MFSD6L: variants seen among roughly 807,000 people sequenced by gnomAD.
The protein encoded by MFSD6L is major facilitator superfamily domain containing 6 like.
A neutral mutation model predicts 6.4 loss-of-function variants in MFSD6L; 9 were observed. The observed-to-expected ratio is 1.42, with a 90% CI of 0.85 to 2.47. The LOEUF (loss-of-function observed/expected upper bound fraction) is 2.47, where lower values mean the gene tolerates loss of function less well. Among genes scored for constraint, MFSD6L ranks in the 30% most tolerant of loss-of-function variants. The pLI, the probability that MFSD6L is intolerant of heterozygous loss-of-function variation, is 0.00. For synonymous variants in MFSD6L, 336 were observed against 322.4 expected, an observed-to-expected ratio of 1.04 and a Z score of -0.45; for missense variants, 747 against 730.6, an observed-to-expected ratio of 1.02 and a Z score of -0.26.
chr17:8,799,189 GGT>G lies in MFSD6L; in HGVS notation c.-71_-70del. ...TGGGCGCAGGGCGGGCGCGGCCCCA[GGT>G]ACCCGGGAGGGAGGCTTGGGGGACC... is the stretch of plus-strand genomic sequence containing the variant. On this transcript the variant is annotated 5_prime_UTR_variant, in exon 1 of 1. Coordinates refer to ENST00000329805, the MANE Select transcript of MFSD6L (RefSeq NM_152599.4). This position sits in a 1 kb window ranked among gnomAD's most constrained non-coding sequence, Gnocchi z 5.3. 7.1e-7 allele frequency: 1 copy of G among 1,409,556 alleles called. No homozygotes were observed. Among genetic ancestry groups the G allele is most frequent in the Non-Finnish European group, 9.4e-7 (1 of 1,064,542 alleles). 87.3% of individuals were successfully genotyped at this position (1,409,556 alleles called of 1,614,324 possible).
At position 8,799,033 on chromosome 17, in the gene MFSD6L, C is replaced by T. The variant is rs571657999; in HGVS notation, c.88G>A (p.Val30Met). 3.7e-6 allele frequency: 6 copies of T among 1,612,938 alleles called. No homozygotes were observed. The African/African-American group carries it at 6.7e-5, about 18-fold the overall frequency. The change falls in exon 1 of 1, where the codon GTG becomes ATG. Residue 30 changes from valine to methionine, a missense_variant. Transcript: ENST00000329805. The surrounding 1 kb of genome is among the most constrained non-coding windows in gnomAD (Gnocchi z 5.3). ...HLVCGVREAC[V>M]TPFLTLYLRQ... ...AGGTAAAGGGTCAGGAACGGGGTCA[C>T]GCAGGCTTCCCGCACCCCGCACACC...
chr17:8,797,698 C>T lies in MFSD6L; in HGVS notation c.1423G>A (p.Val475Met). The T allele has an allele frequency of 1.9e-6, 3 of 1,613,862 alleles. No individual in the cohort carries two copies. The highest frequency in any genetic ancestry group is 2.5e-6 in the Non-Finnish European group (3 of 1,180,026). The change falls in exon 1 of 1, where the codon GTG becomes ATG. Residue 475 changes from valine (V) to methionine (M), a missense_variant. By Grantham distance (21) the Val-to-Met change is conservative (BLOSUM62 1). Transcript: ENST00000329805. ...GCCAGGTCCTCTACTGAGGCCCCCACAGCCCACCACAAAGCTCTGTTGCTA... is the reference window on the plus strand; with the variant it reads ...GCCAGGTCCTCTACTGAGGCCCCCATAGCCCACCACAAAGCTCTGTTGCTA... ...AISNRALWWA[V>M]GASVEDLATP...
rs2087018748 is a variant in MFSD6L, at chr17:8,798,422, C to T, written c.699G>A (p.Trp233Ter). 6.2e-7 allele frequency: 1 copy of T among 1,608,424 alleles called. No homozygotes were observed. Among genetic ancestry groups the T allele is most frequent in the Non-Finnish European group, 8.5e-7 (1 of 1,177,134 alleles). ...ANLSGTKGKA[W>*]AFDLSLEALR... is the part of the protein sequence containing the mutation. ...ACGCCTCCAAGGACAGGTCAAAAGCCCAGGCTTTCCCCTTGGTCCCTGACA... is the reference window on the plus strand; with the variant it reads ...ACGCCTCCAAGGACAGGTCAAAAGCTCAGGCTTTCCCCTTGGTCCCTGACA... The change falls in exon 1 of 1, where the codon TGG (tryptophan) becomes TGA (stop). Residue 233 changes from tryptophan (W) to a stop codon, truncating the protein, a stop_gained. Transcript: ENST00000329805. LOFTEE classifies it low-confidence loss of function (END_TRUNC).
Position 8,798,760 on chromosome 17 carries a change from G to A in MFSD6L, c.361C>T (p.Leu121Phe), listed in dbSNP as rs151194908. The A allele has an allele frequency of 8.8e-5, 142 of 1,614,092 alleles. 1 individual carries two copies. The African/African-American group carries it at 1.2e-3, about 14-fold the overall frequency. ...GSSGLTSTDA[L>F]PGVTLPVNIT... is the part of the protein sequence containing the mutation. ...TTCACAGGTAGCGTGACCCCCGGGAGTGCGTCTGTGCTGGTCAGGCCGCTG... is the reference window on the plus strand; with the variant it reads ...TTCACAGGTAGCGTGACCCCCGGGAATGCGTCTGTGCTGGTCAGGCCGCTG... Residue 121 changes from leucine (L) to phenylalanine (F), a missense_variant, in exon 1 of 1, where the codon CTC (leucine) becomes TTC (phenylalanine). By Grantham distance (22) the Leu-to-Phe change is conservative. Coordinates refer to ENST00000329805, the MANE Select transcript of MFSD6L (RefSeq NM_152599.4).
rs762568801 is a variant in MFSD6L at position 8,799,110 on chromosome 17, T to C, written c.11A>G (p.Asn4Ser). ...CGCCCTGCTGATGTCCCACCGGGGGTTGGCACTCATGGCTGCCGGGCTCTG... is the reference window on the plus strand; with the variant it reads ...CGCCCTGCTGATGTCCCACCGGGGGCTGGCACTCATGGCTGCCGGGCTCTG... MSA[N>S]PRWDISRALG... is the part of the protein sequence containing the mutation. Residue 4 changes from asparagine (N) to serine (S), a missense_variant, in exon 1 of 1, where the codon AAC becomes AGC. Transcript: ENST00000329805. The surrounding 1 kb of genome is among the most constrained non-coding windows in gnomAD (Gnocchi z 5.3). 3.3e-5 allele frequency: 52 copies of C among 1,557,362 alleles called. No homozygotes were observed. The highest frequency in any genetic ancestry group is 4.3e-5 in the Non-Finnish European group (50 of 1,150,916).
In MFSD6L at chr17:8,797,224, G is replaced by A; in HGVS notation, c.*136C>T. On this transcript the variant is annotated 3_prime_UTR_variant, in exon 1 of 1. Coordinates refer to ENST00000329805, the MANE Select transcript of MFSD6L (RefSeq NM_152599.4). ...AATCATGCAATGAGATGATCCTGTT[G>A]GGCCTTCAGCACAGACCCATCCTCT... The A allele has an allele frequency of 1.6e-6, 1 of 617,208 alleles. No homozygotes were observed. Among genetic ancestry groups the A allele is most frequent in the Non-Finnish European group, 2.5e-6 (1 of 392,358 alleles). 38.2% of individuals were successfully genotyped at this position (617,208 alleles called of 1,614,324 possible).
Position 8,797,836 on chromosome 17 carries a change from A to G in MFSD6L, c.1285T>C (p.Ser429Pro). 6.2e-7 allele frequency: 1 copy of G among 1,613,980 alleles called. No individual in the cohort carries two copies. Among genetic ancestry groups the G allele is most frequent in the South Asian group, 1.1e-5 (1 of 91,062 alleles). ...PFKATLLRKL[S>P]RTGLVGLGLS... is the part of the protein sequence containing the mutation. Reference sequence around the variant, plus strand: ...CCCAGCCCCACCAGGCCCGTCCTGGACAGTTTCCTAAGCAATGTAGCTTTG... The same window carrying G: ...CCCAGCCCCACCAGGCCCGTCCTGGGCAGTTTCCTAAGCAATGTAGCTTTG... The change falls in exon 1 of 1, where the codon TCC (serine) becomes CCC (proline). Residue 429 changes from serine to proline, a missense_variant. Physicochemically the swap from Ser to Pro is moderately conservative, Grantham distance 74. Coordinates refer to ENST00000329805, the MANE Select transcript of MFSD6L (RefSeq NM_152599.4).
rs2087026662 is a variant in MFSD6L at position 8,799,332 on chromosome 17, C to G, written c.-212G>C. On this transcript the variant is annotated 5_prime_UTR_variant, in exon 1 of 1. Transcript: ENST00000329805. This position sits in a 1 kb window ranked among gnomAD's most constrained non-coding sequence, Gnocchi z 5.3. ...CCTGCCGTTGGACCGAAAGGGGCCC[C>G]GCCCGGAGGGAGAGGCGGGGCGGGG... 5.8e-5 allele frequency: 23 copies of G among 396,902 alleles called. No homozygotes were observed. The allele number at this position is 396,902 out of a possible 1,614,324, so 24.6% of individuals were successfully genotyped here.
Position 8,798,024 on chromosome 17 carries a change from G to C in MFSD6L, c.1097C>G (p.Pro366Arg). The C allele has an allele frequency of 6.2e-7, 1 of 1,614,016 alleles. No individual in the cohort carries two copies. ...VKALSIVGGD[P>R]HLILLASTTV... is the part of the protein sequence containing the mutation. ...GGTGGAGGCGAGGAGAATGAGGTGG[G>C]GGTCACCCCCCACAATGGACAGTGC... is the stretch of plus-strand genomic sequence containing the variant. Residue 366 changes from proline (P) to arginine (R), a missense_variant, in exon 1 of 1, where the codon CCC becomes CGC. Coordinates refer to ENST00000329805, the MANE Select transcript of MFSD6L (RefSeq NM_152599.4).
chr17:8,799,360 G>A lies in MFSD6L; in HGVS notation c.-240C>T. ...CCGGAGGGAGAGGCGGGGCGGGGGC[G>A]AAGGTGGGGGCGGGGCCAGCGCACC... On this transcript the variant is annotated 5_prime_UTR_variant, in exon 1 of 1. Transcript: ENST00000329805. The surrounding 1 kb of genome is among the most constrained non-coding windows in gnomAD (Gnocchi z 5.3). 1 of 366,004 alleles carries A rather than the reference G, an allele frequency of 2.7e-6. No individual in the cohort carries two copies. 22.7% of individuals were successfully genotyped at this position (366,004 alleles called of 1,614,324 possible).
rs1190050715 is a variant in MFSD6L at position 8,799,241 on chromosome 17, GCC to G, written c.-123_-122del. 32 of 859,304 alleles carry G rather than the reference GCC, an allele frequency of 3.7e-5. No individual in the cohort carries two copies. Among genetic ancestry groups the G allele is most frequent in the Non-Finnish European group, 5.1e-5 (31 of 609,412 alleles). The allele number at this position is 859,304 out of a possible 1,614,324, so 53.2% of individuals were successfully genotyped here. On this transcript the variant is annotated 5_prime_UTR_variant, in exon 1 of 1. Transcript: ENST00000329805. The surrounding 1 kb of genome is among the most constrained non-coding windows in gnomAD (Gnocchi z 5.3). The stretch of plus-strand genomic sequence containing the variant: ...CGGGGCTCGGAGCGAGTGGGACTGC[GCC>G]CCCGGTCTGGGGCGGCGCCGCGGTC...
In MFSD6L at chr17:8,797,774, AGAG is replaced by A; in HGVS notation, c.1344_1346del (p.Ser449del). 2 of 1,614,038 alleles carry A rather than the reference AGAG, an allele frequency of 1.2e-6. No homozygotes were observed. The highest frequency in any genetic ancestry group is 1.7e-6 in the Non-Finnish European group (2 of 1,180,030). On this transcript the variant is annotated inframe_deletion, in exon 1 of 1. Coordinates refer to ENST00000329805, the MANE Select transcript of MFSD6L (RefSeq NM_152599.4). ...GGACGGACCACCAGCTCCAGAGGAA[AGAG>A]TAGTACAGCAGCTGCCCAGCGAGGC...
chr17:8,799,259 C>A lies in MFSD6L; in HGVS notation c.-139G>T. On this transcript the variant is annotated 5_prime_UTR_variant, in exon 1 of 1. Coordinates refer to ENST00000329805, the MANE Select transcript of MFSD6L (RefSeq NM_152599.4). The surrounding 1 kb of genome is among the most constrained non-coding windows in gnomAD (Gnocchi z 5.3). ...GGACTGCGCCCCCGGTCTGGGGCGGCGCCGCGGTCACCAGGTCAACGGCCG... is the reference window on the plus strand; with the variant it reads ...GGACTGCGCCCCCGGTCTGGGGCGGAGCCGCGGTCACCAGGTCAACGGCCG... 2.9e-6 allele frequency: 2 copies of A among 684,136 alleles called. No individual in the cohort carries two copies. Among genetic ancestry groups the A allele is most frequent in the Non-Finnish European group, 4.3e-6 (2 of 463,132 alleles). 42.4% of individuals were successfully genotyped at this position (684,136 alleles called of 1,614,324 possible). A position where few individuals can be genotyped will look rare whatever the true frequency, so the allele number is the denominator to read the frequency against.
chr17:8,799,193 C>G lies in MFSD6L; in HGVS notation c.-73G>C. On this transcript the variant is annotated 5_prime_UTR_variant, in exon 1 of 1. Coordinates refer to ENST00000329805, the MANE Select transcript of MFSD6L (RefSeq NM_152599.4). The surrounding 1 kb of genome is among the most constrained non-coding windows in gnomAD (Gnocchi z 5.3). Reference sequence around the variant, plus strand: ...CGCAGGGCGGGCGCGGCCCCAGGTACCCGGGAGGGAGGCTTGGGGGACCGG... The same window carrying G: ...CGCAGGGCGGGCGCGGCCCCAGGTAGCCGGGAGGGAGGCTTGGGGGACCGG... 1 of 1,379,128 alleles carries G rather than the reference C, an allele frequency of 7.3e-7. No homozygotes were observed. Among genetic ancestry groups the G allele is most frequent in the Non-Finnish European group, 9.6e-7 (1 of 1,039,954 alleles). The allele number at this position is 1,379,128 out of a possible 1,614,324, so 85.4% of individuals were successfully genotyped here.
Position 8,797,318 on chromosome 17 carries a change from C to A in MFSD6L, c.*42G>T. On this transcript the variant is annotated 3_prime_UTR_variant, in exon 1 of 1. Coordinates refer to ENST00000329805, the MANE Select transcript of MFSD6L (RefSeq NM_152599.4). ...CAGGCTGAGTTTTGTTCAGTCCATT[C>A]GTTCCTTGCTGGATCAGCACACTCT... 6.6e-7 allele frequency: 1 copy of A among 1,519,416 alleles called. No individual in the cohort carries two copies. Among genetic ancestry groups the A allele is most frequent in the South Asian group, 1.3e-5 (1 of 75,794 alleles). 94.1% of individuals were successfully genotyped at this position (1,519,416 alleles called of 1,614,324 possible). A position where few individuals can be genotyped will look rare whatever the true frequency, so the allele number is the denominator to read the frequency against.
chr17:8,798,041 G>A lies in MFSD6L; in HGVS notation c.1080C>T (p.Ser360=). ...TGAGGTGGGGGTCACCCCCCACAATGGACAGTGCTTTGACCCTTTTGTAGC... is the reference window on the plus strand; with the variant it reads ...TGAGGTGGGGGTCACCCCCCACAATAGACAGTGCTTTGACCCTTTTGTAGC... ...EPSYKRVKAL[S]IVGGDPHLIL... The change falls in exon 1 of 1, where the codon TCC becomes TCT. Residue 360 remains serine (S), a synonymous_variant. Transcript: ENST00000329805. The A allele has an allele frequency of 6.2e-7, 1 of 1,614,088 alleles. No individual in the cohort carries two copies. Among genetic ancestry groups the A allele is most frequent in the Non-Finnish European group, 8.5e-7 (1 of 1,180,026 alleles).
In MFSD6L at chr17:8,799,089, C is replaced by CACCGGG. The variant is rs1567554642; in HGVS notation, c.31_32insCCCGGT (p.Arg11delinsThrArgTrp). The CACCGGG allele has an allele frequency of 1.3e-6, 2 of 1,580,780 alleles. No homozygotes were observed. Among genetic ancestry groups the CACCGGG allele is most frequent in the Non-Finnish European group, 8.6e-7 (1 of 1,163,266 alleles). ...GAAGAGCTTGGCCACCCCCAGCGCCCTGCTGATGTCCCACCGGGGGTTGGC... is the reference window on the plus strand; with the variant it reads ...GAAGAGCTTGGCCACCCCCAGCGCCCACCGGGTGCTGATGTCCCACCGGGGGTTGGC... On this transcript the variant is annotated protein_altering_variant, in exon 1 of 1. Coordinates refer to ENST00000329805, the MANE Select transcript of MFSD6L (RefSeq NM_152599.4). This position sits in a 1 kb window ranked among gnomAD's most constrained non-coding sequence, Gnocchi z 5.3.
chr17:8,799,074 GCC>G lies in MFSD6L; in HGVS notation c.45_46del (p.Ala16GlnfsTer94). 1 of 1,596,432 alleles carries G rather than the reference GCC, an allele frequency of 6.3e-7. No individual in the cohort carries two copies. Among genetic ancestry groups the G allele is most frequent in the Non-Finnish European group, 8.5e-7 (1 of 1,171,280 alleles). ...CCCGCACACCAGGTGGAAGAGCTTG[GCC>G]ACCCCCAGCGCCCTGCTGATGTCCC... is the stretch of plus-strand genomic sequence containing the variant. On this transcript the variant is annotated frameshift_variant, in exon 1 of 1. Coordinates refer to ENST00000329805, the MANE Select transcript of MFSD6L (RefSeq NM_152599.4). LOFTEE classifies it low-confidence loss of function (END_TRUNC). This position sits in a 1 kb window ranked among gnomAD's most constrained non-coding sequence, Gnocchi z 5.3.
Position 8,798,819 on chromosome 17 carries a change from T to C in MFSD6L, c.302A>G (p.Asp101Gly). 6.2e-7 allele frequency: 1 copy of C among 1,613,990 alleles called. No individual in the cohort carries two copies. The highest frequency in any genetic ancestry group is 8.5e-7 in the Non-Finnish European group (1 of 1,180,002). Residue 101 changes from aspartate to glycine, a missense_variant, in exon 1 of 1, where the codon GAC becomes GGC. Asp to Gly is a moderately conservative substitution (Grantham distance 94). Coordinates refer to ENST00000329805, the MANE Select transcript of MFSD6L (RefSeq NM_152599.4). ...SLLMVLVPPV[D>G]KNRVHFPCNG... is the part of the protein sequence containing the mutation. Reference sequence around the variant, plus strand: ...ACAAGGGAAGTGCACCCGATTTTTGTCTACCGGTGGGACCAGGACCATCAG... The same window carrying C: ...ACAAGGGAAGTGCACCCGATTTTTGCCTACCGGTGGGACCAGGACCATCAG...
Sources: gnomAD v4.1 joint callset for allele counts on GRCh38, gnomAD v4.1.1 for gene constraint, Gnocchi (gnomAD v3.1) non-coding constraint, MANE v1.5 for transcripts, NCBI Gene and HGNC (gene_info 2026-07-23, HGNC 2026-07-21) for gene names.